Variants in RSRC1 observed in about 807,000 individuals in gnomAD.
RSRC1 encodes the protein arginine and serine rich coiled-coil 1.
RSRC1 carries 39 observed loss-of-function variants against 49.1 expected under a neutral mutation model. That is an observed-to-expected ratio of 0.79 (90% CI 0.61 to 1.04). The LOEUF (loss-of-function observed/expected upper bound fraction) is 1.04, where lower values mean the gene tolerates loss of function less well. Ranked by LOEUF, RSRC1 falls within the 50% of genes least tolerant of loss-of-function variation. The pLI is 0.00. For synonymous variants in RSRC1, 143 were observed against 130.8 expected, an observed-to-expected ratio of 1.09 and a Z score of -0.63; for missense variants, 388 against 402.4, an observed-to-expected ratio of 0.96 and a Z score of 0.31.
At chr3:158,444,966 AC>A (rs1736611182) in intron 6 of RSRC1, among the ~76,000 whole-genome samples, 1 of 152,158 alleles carries the variant, frequency 6.6e-6, no homozygotes, top group South Asian at 2.1e-4. Context: ...ACCATCTCAC[AC>A]CAGTTAGAAT....
At chr3:158,422,721 A>G (rs1465074681) in intron 6 of RSRC1, among the ~76,000 whole-genome samples, 1 of 150,778 alleles carries the variant, frequency 6.6e-6, no homozygotes, top group African/African-American at 2.5e-5. Flanking sequence ...ATTTCTCCAC[A>G]TGCTCTCCAG....
intron 4 of RSRC1, among the ~76,000 whole-genome samples, chr3:158,238,619 G>T (rs181832010): frequency 6.6e-6 from 1 of 152,180 alleles, no homozygotes; most frequent in Admixed American, 6.5e-5. Flanking sequence ...AATGGGGAAA[G>T]GATTCCCTGT....
intron 1 of RSRC1, among the ~76,000 whole-genome samples, chr3:158,113,371 C>T (rs1465247582): frequency 7.2e-6 from 1 of 138,604 alleles, no homozygotes; most frequent in African/African-American, 2.7e-5. Flanking sequence ...TGTTTTTTGA[C>T]TTTTTTTTTT....
chr3:158,444,043 C>A (rs894823420), intron 6 of RSRC1, among the ~76,000 whole-genome samples: 1 of 152,112 alleles, frequency 6.6e-6, no homozygotes, highest in Non-Finnish European at 1.5e-5. Context: ...ACAGCAGTAG[C>A]ATCAAAAATC....
chr3:158,256,921 C>T (rs1474904170), intron 4 of RSRC1, among the ~76,000 whole-genome samples: 1 of 152,060 alleles, frequency 6.6e-6, no homozygotes, highest in Non-Finnish European at 1.5e-5. Context: ...GTGGTATCTC[C>T]TTTATCATTT....
At chr3:158,387,654 T>C (rs1001377130) in intron 6 of RSRC1, among the ~76,000 whole-genome samples, 1 of 152,178 alleles carries the variant, frequency 6.6e-6, no homozygotes, top group Non-Finnish European at 1.5e-5. Flanking sequence ...AAACTGTAAA[T>C]CCTTACAAGT....
intron 7 of RSRC1, among the ~76,000 whole-genome samples, chr3:158,479,431 G>A (rs972613761): frequency 4.0e-5 from 6 of 151,736 alleles, no homozygotes; most frequent in South Asian, 2.1e-4. Context: ...AGCTAATAAC[G>A]TGAGATAGTA....
chr3:158,192,812 G>A (rs1256272520), intron 3 of RSRC1, among the ~76,000 whole-genome samples: 1 of 151,986 alleles, frequency 6.6e-6, no homozygotes, highest in South Asian at 2.1e-4. Flanking sequence ...TGGCTGCCGA[G>A]GGTTATCTGT....
intron 6 of RSRC1, among the ~76,000 whole-genome samples, chr3:158,398,611 C>G (rs1281374744): frequency 6.6e-6 from 1 of 152,142 alleles, no homozygotes; most frequent in Non-Finnish European, 1.5e-5. Flanking sequence ...GGATAGGACA[C>G]AGACATTCAA....
At chr3:158,474,575 C>T (rs747673377) in intron 7 of RSRC1, among the ~76,000 whole-genome samples, 2 of 152,178 alleles carry the variant, frequency 1.3e-5, no homozygotes, top group Non-Finnish European at 2.9e-5. Context: ...TTCTCTACAG[C>T]ACATGATGCT....
Position 158,516,620 on chromosome 3 carries a change from C to T in RSRC1, c.653-20472C>T, listed in dbSNP as rs935913277. On this transcript the variant is annotated intron_variant, in intron 7 of 9. Coordinates refer to ENST00000611884, the MANE Select transcript of RSRC1 (RefSeq NM_001271838.2). ...AGGCCTCCTTGAGCTGTGGTGGGCTCCACCCGGTTGGAGCTTCCCGGCTGC... is the reference window on the plus strand; with the variant it reads ...AGGCCTCCTTGAGCTGTGGTGGGCTTCACCCGGTTGGAGCTTCCCGGCTGC... 1.3e-3 allele frequency among the ~76,000 whole-genome samples: 202 copies of T among 152,296 alleles called. 3 individuals carry two copies. In the East Asian group the frequency reaches 0.034, roughly 26 times the overall value.
intron 3 of RSRC1, among the ~76,000 whole-genome samples, chr3:158,174,556 A>G (rs754779722): frequency 1.3e-5 from 2 of 151,992 alleles, no homozygotes; most frequent in Non-Finnish European, 2.9e-5. Context: ...AGATAACATT[A>G]TACTGACTTC....
chr3:158,148,754 A>C (rs571256216), intron 3 of RSRC1, among the ~76,000 whole-genome samples: 5 of 152,222 alleles, frequency 3.3e-5, no homozygotes, highest in Admixed American at 3.3e-4. Context: ...GGATTGCCTC[A>C]GCTACTTTAT....
At chr3:158,341,463 C>G (rs1200481158) in intron 5 of RSRC1, among the ~76,000 whole-genome samples, 1 of 152,144 alleles carries the variant, frequency 6.6e-6, no homozygotes, top group East Asian at 1.9e-4. Flanking sequence ...AGGGTGGAAG[C>G]CCCAAGCCCT....
chr3:158,284,117 C>T (rs1726357830), intron 4 of RSRC1, among the ~76,000 whole-genome samples: 3 of 149,880 alleles, frequency 2.0e-5, no homozygotes, highest in African/African-American at 7.4e-5. Flanking sequence ...TGTTCAATTC[C>T]CACCTATGAG....
intron 4 of RSRC1, among the ~76,000 whole-genome samples, chr3:158,263,405 A>G (rs1725002259): frequency 6.6e-6 from 1 of 152,044 alleles, no homozygotes; most frequent in Admixed American, 6.6e-5. Context: ...TTCTCTTTAT[A>G]TATTGTTGCA....
chr3:158,363,333 G>A lies in RSRC1; in HGVS notation c.583+8425G>A, dbSNP rs527970923. ...GGCTGGAGTACAGTGGCACAAGCTC[G>A]GCTCACCACGTCCTCTGTCTTCTAG... is the stretch of plus-strand genomic sequence containing the variant. On this transcript the variant is annotated intron_variant, in intron 6 of 9. Transcript: ENST00000611884. Among the ~76,000 whole-genome samples the A allele has an allele frequency of 8.0e-5, 12 of 149,658 alleles. No homozygotes were observed. The East Asian group carries it at 9.8e-4, about 12-fold the overall frequency.
chr3:158,175,954 G>C (rs1211269751), intron 3 of RSRC1, among the ~76,000 whole-genome samples: 3 of 151,890 alleles, frequency 2.0e-5, no homozygotes, highest in Non-Finnish European at 4.4e-5. Flanking sequence ...TGAGGTTCTC[G>C]TGCCATGGTT....
At chr3:158,195,284 C>A (rs987092769) in intron 3 of RSRC1, among the ~76,000 whole-genome samples, 7 of 151,502 alleles carry the variant, frequency 4.6e-5, no homozygotes. Context: ...CTGTTGGCTG[C>A]ATAAATGTCT....
Sources: gnomAD v4.1 joint callset for allele counts (sites outside exome capture counted in the v4.1 genomes callset) on GRCh38, gnomAD v4.1.1 for gene constraint, MANE v1.5 for transcripts, NCBI Gene and HGNC (gene_info 2026-07-23, HGNC 2026-07-21) for gene names.